The following EPB41L4B variants were observed in gnomAD, a reference collection of about 807,000 sequenced individuals.
The protein encoded by EPB41L4B is erythrocyte membrane protein band 4.1 like 4B, also known as band 4.1-like protein 4B.
EPB41L4B carries 30 observed loss-of-function variants against 112.5 expected under a neutral mutation model. The observed-to-expected ratio is 0.27, with a 90% CI of 0.20 to 0.36. The LOEUF is 0.36. EPB41L4B is among the 10% of genes least tolerant of loss of function. The probability of loss-of-function intolerance (pLI) is 1.00; values close to 1 mark genes in which losing one functional copy is unlikely to be tolerated. For synonymous variants in EPB41L4B, 408 were observed against 439.7 expected (o/e 0.93, Z 0.90); for missense variants, 1,024 against 1,133.3 (o/e 0.90, Z 1.38).
chr9:109,185,169 C>T (rs1344935818), intron 23 of EPB41L4B, among the ~76,000 whole-genome samples: 4 of 152,204 alleles, frequency 2.6e-5, no homozygotes, highest in African/African-American at 9.6e-5. Flanking sequence ...AGAAATGCAA[C>T]ATAAGAGTCC....
At chr9:109,315,060 C>T (rs541165883) in intron 1 of EPB41L4B, among the ~76,000 whole-genome samples, 2 of 152,258 alleles carry the variant, frequency 1.3e-5, no homozygotes, top group East Asian at 1.9e-4. Context: ...AATGCAATGG[C>T]ATGACTGGTC....
chr9:109,209,385 G>T (rs1397871490), intron 17 of EPB41L4B, among the ~76,000 whole-genome samples: 1 of 151,924 alleles, frequency 6.6e-6, no homozygotes, highest in Non-Finnish European at 1.5e-5. Context: ...CATGGGCTGG[G>T]CACGGTGGCT....
In EPB41L4B at chr9:109,217,005, T is replaced by C. The variant is rs373197837; in HGVS notation, c.1550A>G (p.His517Arg). The stretch of plus-strand genomic sequence containing the variant: ...GGTCAGTGAGAGGCTGTAGTTTGAG[T>C]GGTGCTGGTGCTGATGCTGATGCTG... ...QHQHQHQHQH[H>R]SNYSLSLTLE... The change falls in exon 16 of 26, where the codon CAC becomes CGC. Residue 517 changes from histidine (H) to arginine (R), a missense_variant. Coordinates refer to ENST00000374566, the MANE Select transcript of EPB41L4B (RefSeq NM_019114.5). 3.8e-5 allele frequency: 61 copies of C among 1,613,948 alleles called. No individual in the cohort carries two copies. Among genetic ancestry groups the C allele is most frequent in the East Asian group, 1.3e-4 (6 of 44,878 alleles).
chr9:109,261,963 G>A (rs1717227910), intron 6 of EPB41L4B, among the ~76,000 whole-genome samples: 1 of 152,168 alleles, frequency 6.6e-6, no homozygotes, highest in South Asian at 2.1e-4. Flanking sequence ...GCTGGCAAAT[G>A]AGTGCACAAC....
intron 6 of EPB41L4B, among the ~76,000 whole-genome samples, chr9:109,258,967 G>A (rs1410012720): frequency 6.6e-6 from 1 of 152,180 alleles, no homozygotes; most frequent in African/African-American, 2.4e-5. Context: ...TCCCCCACAG[G>A]ATGGAGGGCC....
At chr9:109,186,242 C>T (rs913478816) in intron 22 of EPB41L4B, among the ~76,000 whole-genome samples, 1 of 151,752 alleles carries the variant, frequency 6.6e-6, no homozygotes. Flanking sequence ...GGTTGGAGTG[C>T]AGTGTCATGA....
rs112480831 is a variant in EPB41L4B, at chr9:109,255,288, C to A, written c.1169+223G>T. Among the ~76,000 whole-genome samples, 14 of 152,330 alleles carry A rather than the reference C, an allele frequency of 9.2e-5. 1 individual carries two copies. Among genetic ancestry groups the A allele is most frequent in the African/African-American group, 3.4e-4 (14 of 41,578 alleles). On this transcript the variant is annotated intron_variant, in intron 11 of 25. Transcript: ENST00000374566. ...GCCTACTGTATTGAACAGCACAGCT[C>A]TGACTAAATGTCAGTTATTAACAAT...
chr9:109,279,708 G>T, intron 2 of EPB41L4B, 109 bp downstream of exon 2: 1 of 908,590 alleles, frequency 1.1e-6, no homozygotes, highest in Non-Finnish European at 1.7e-6. Context: ...TACTGGCACA[G>T]TATCACAGTT....
rs1366241148 is a variant in EPB41L4B, at chr9:109,256,547, G to A, written c.753-67C>T. Reference sequence around the variant, plus strand: ...AAGCCCACAGGATTCTGAAGGGCACGGCCTTACTATGGAACGTTATGCAGC... The same window carrying A: ...AAGCCCACAGGATTCTGAAGGGCACAGCCTTACTATGGAACGTTATGCAGC... On this transcript the variant is annotated intron_variant, in intron 7 of 25. Coordinates refer to ENST00000374566, the MANE Select transcript of EPB41L4B (RefSeq NM_019114.5). The A allele has an allele frequency of 1.5e-5, 21 of 1,373,808 alleles. No homozygotes were observed. In the Middle Eastern group the frequency reaches 5.4e-4, roughly 36 times the overall value. The allele number at this position is 1,373,808 out of a possible 1,614,324, so 85.1% of individuals were successfully genotyped here. A position where few individuals can be genotyped will look rare whatever the true frequency, so the allele number is the denominator to read the frequency against.
At position 109,263,093 on chromosome 9, in the gene EPB41L4B, G is replaced by A; in HGVS notation, c.588C>T (p.Cys196=). 6.3e-7 allele frequency: 1 copy of A among 1,589,604 alleles called. No individual in the cohort carries two copies. Among genetic ancestry groups the A allele is most frequent in the Non-Finnish European group, 8.6e-7 (1 of 1,163,176 alleles). ...RHDILSGKLK[C]PYETAVELAA... ...CTAATTCCACAGCTGTTTCATAAGG[G>A]CATTTCAATCTTGAAAAAAATAAAA... Residue 196 remains cysteine (C), a synonymous_variant, in exon 6 of 26, where the codon TGC becomes TGT. Transcript: ENST00000374566.
At chr9:109,226,022 G>T (rs1158225795) in intron 15 of EPB41L4B, among the ~76,000 whole-genome samples, 1 of 152,140 alleles carries the variant, frequency 6.6e-6, no homozygotes, top group African/African-American at 2.4e-5. Context: ...GAAATGGAGA[G>T]CCAATTGTTC....
At chr9:109,282,486 A>C (rs1012403685) in intron 1 of EPB41L4B, among the ~76,000 whole-genome samples, 1 of 152,186 alleles carries the variant, frequency 6.6e-6, no homozygotes, top group East Asian at 1.9e-4. Context: ...AAGAAATAAC[A>C]GAACTGCAAT....
intron 15 of EPB41L4B, among the ~76,000 whole-genome samples, chr9:109,232,911 C>T (rs974357640): frequency 1.1e-4 from 16 of 152,290 alleles, no homozygotes; most frequent in Middle Eastern, 3.4e-3. Context: ...AGTTGGCCTC[C>T]GAAGCTGTAA....
chr9:109,269,275 T>C (rs1353829633), intron 2 of EPB41L4B, among the ~76,000 whole-genome samples: 1 of 152,238 alleles, frequency 6.6e-6, no homozygotes, highest in African/African-American at 2.4e-5. Flanking sequence ...GGGATTTGCC[T>C]AAGATCATTT....
rs541945203 is a variant in EPB41L4B at position 109,244,021 on chromosome 9, G to A, written c.1345-339C>T. Reference sequence around the variant, plus strand: ...TATTCATCTTCCCAAGGGAAGAGGCGGAAGGTGTCAGAGAGATGGGGAGAG... The same window carrying A: ...TATTCATCTTCCCAAGGGAAGAGGCAGAAGGTGTCAGAGAGATGGGGAGAG... On this transcript the variant is annotated intron_variant, in intron 14 of 25. Coordinates refer to ENST00000374566, the MANE Select transcript of EPB41L4B (RefSeq NM_019114.5). 1.4e-4 allele frequency among the ~76,000 whole-genome samples: 22 copies of A among 152,268 alleles called. 1 individual carries two copies. In the South Asian group the frequency reaches 2.5e-3, roughly 17 times the overall value.
chr9:109,320,022 TG>T, intron 1 of EPB41L4B, 118 bp downstream of exon 1: 2 of 791,146 alleles, frequency 2.5e-6, no homozygotes, highest in Non-Finnish European at 3.4e-6. Flanking sequence ...GAGAAGAGGA[TG>T]GGGGAGGGGA....
In EPB41L4B at chr9:109,243,660, T is replaced by A. The variant is rs779862620; in HGVS notation, c.1367A>T (p.His456Leu). 6.2e-7 allele frequency: 1 copy of A among 1,614,146 alleles called. No homozygotes were observed. Among genetic ancestry groups the A allele is most frequent in the East Asian group, 2.2e-5 (1 of 44,888 alleles). Residue 456 changes from histidine to leucine, a missense_variant, in exon 15 of 26, where the codon CAT (histidine) becomes CTT (leucine). Physicochemically the swap from His to Leu is moderately conservative, Grantham distance 99 (BLOSUM62 -3). Coordinates refer to ENST00000374566, the MANE Select transcript of EPB41L4B (RefSeq NM_019114.5). ...NYQPQYHPNIHPSQPRWHPHS... is the reference protein window; with the variant it reads ...NYQPQYHPNILPSQPRWHPHS... ...AGGATGCCACCGGGGCTGGCTGGGA[T>A]GGATATTAGGATGATATTGAGGCTA...
At chr9:109,318,704 G>A (rs994360957) in intron 1 of EPB41L4B, among the ~76,000 whole-genome samples, 4 of 152,084 alleles carry the variant, frequency 2.6e-5, no homozygotes, top group Non-Finnish European at 4.4e-5. Context: ...TCATTGTTGG[G>A]GAACAGTAAC....
intron 24 of EPB41L4B, among the ~76,000 whole-genome samples, chr9:109,181,596 G>T (rs533900288): frequency 3.0e-4 from 46 of 152,186 alleles, no homozygotes; most frequent in Non-Finnish European, 1.3e-4. Context: ...CAGCACATTG[G>T]GAGGCCAAGG....
Sources: allele counts gnomAD v4.1 joint callset (sites outside exome capture counted in the v4.1 genomes callset), GRCh38; gene constraint gnomAD v4.1.1; transcripts MANE v1.5; gene names NCBI Gene and HGNC (gene_info 2026-07-23, HGNC 2026-07-21).